Variants in CDH4 observed in about 807,000 individuals in gnomAD.
CDH4 encodes cadherin-4.
CDH4 carries 33 observed loss-of-function variants against 86.0 expected under a neutral mutation model. The observed-to-expected ratio is 0.38, with a 90% CI of 0.29 to 0.51. The LOEUF is 0.51. Ranked by LOEUF, CDH4 falls within the 20% of genes least tolerant of loss-of-function variation. CDH4 has a pLI of 0.86. For missense variants in CDH4, 1,114 were observed against 1,307.4 expected, an observed-to-expected ratio of 0.85 and a Z score of 2.28; for synonymous variants, 555 against 549.4, an observed-to-expected ratio of 1.01 and a Z score of -0.14.
intron 2 of CDH4, among the ~76,000 whole-genome samples, chr20:61,376,511 A>C (rs1424380989): frequency 6.6e-6 from 1 of 152,102 alleles, no homozygotes; most frequent in African/African-American, 2.4e-5. Context: ...ACTGAGAGGG[A>C]CATGGTGAGG....
chr20:61,374,749 C>T (rs1357754713), intron 2 of CDH4, among the ~76,000 whole-genome samples: 3 of 152,184 alleles, frequency 2.0e-5, no homozygotes, highest in Admixed American at 2.0e-4. Flanking sequence ...TCAGTTCAGG[C>T]CATGATGGGA....
At chr20:61,893,160 AGG>A (rs1984905963) in intron 7 of CDH4, among the ~76,000 whole-genome samples, 1 of 75,276 alleles carries the variant, frequency 1.3e-5, no homozygotes, top group African/African-American at 5.2e-5. Flanking sequence ...GGGTGAATAG[AGG>A]GATGGTGGTT....
intron 2 of CDH4, among the ~76,000 whole-genome samples, chr20:61,354,647 G>A (rs2084736277): frequency 6.6e-6 from 1 of 152,240 alleles, no homozygotes; most frequent in African/African-American, 2.4e-5. Context: ...TTCCCTGTAT[G>A]GCCTGGCAGT....
chr20:61,735,513 G>T (rs547143035), intron 2 of CDH4, among the ~76,000 whole-genome samples: 1 of 152,208 alleles, frequency 6.6e-6, no homozygotes, highest in South Asian at 2.1e-4. Context: ...AGACCCCCAA[G>T]GGGTTCCCCA....
intron 2 of CDH4, among the ~76,000 whole-genome samples, chr20:61,298,350 C>T (rs2084367996): frequency 6.7e-6 from 1 of 149,658 alleles, no homozygotes; most frequent in East Asian, 2.0e-4. Context: ...ATCCACTCTC[C>T]TAGACAATCA....
intron 3 of CDH4, among the ~76,000 whole-genome samples, chr20:61,765,706 C>G (rs953879018): frequency 6.6e-6 from 1 of 152,076 alleles, no homozygotes; most frequent in South Asian, 2.1e-4. Context: ...ACAGCAAGAC[C>G]GGGGCCAGGA....
At chr20:61,354,773 G>A (rs1242974356) in intron 2 of CDH4, among the ~76,000 whole-genome samples, 1 of 152,194 alleles carries the variant, frequency 6.6e-6, no homozygotes, top group African/African-American at 2.4e-5. Context: ...GGGATGACCA[G>A]CCCAGTTTTG....
chr20:61,726,443 C>A (rs2088112197), intron 2 of CDH4, among the ~76,000 whole-genome samples: 1 of 152,058 alleles, frequency 6.6e-6, no homozygotes, highest in Non-Finnish European at 1.5e-5. Context: ...TCAGTGTGTC[C>A]ATATGTAAAA....
Position 61,448,648 on chromosome 20 carries a change from C to T in CDH4, c.169+193711C>T, listed in dbSNP as rs1211459202. On this transcript the variant is annotated intron_variant, in intron 2 of 15. Transcript: ENST00000614565. The stretch of plus-strand genomic sequence containing the variant: ...GGAGTTTTTTGTATTGCATTATCAC[C>T]ATTCTGGTGGTAGAAAATGACTTAA... Among the ~76,000 whole-genome samples, 6 of 152,158 alleles carry T rather than the reference C, an allele frequency of 3.9e-5. 1 individual carries two copies. The highest frequency in any genetic ancestry group is 3.9e-4 in the Admixed American group (6 of 15,274).
At chr20:61,922,593 A>G (rs1195656410) in intron 9 of CDH4, among the ~76,000 whole-genome samples, 1 of 152,208 alleles carries the variant, frequency 6.6e-6, no homozygotes, top group African/African-American at 2.4e-5. Flanking sequence ...GAGACATAAA[A>G]TCAAGGTGCC....
intron 2 of CDH4, among the ~76,000 whole-genome samples, chr20:61,690,303 C>T (rs1429668941): frequency 6.6e-6 from 1 of 152,072 alleles, no homozygotes; most frequent in Non-Finnish European, 1.5e-5. Context: ...GACTGAGACC[C>T]GTGTGTATTG....
intron 2 of CDH4, among the ~76,000 whole-genome samples, chr20:61,637,323 CAG>C (rs577664707): frequency 1.1e-3 from 162 of 152,268 alleles, no homozygotes; most frequent in African/African-American, 3.6e-3. Flanking sequence ...CTCCCACGAC[CAG>C]AGAGACCTCC....
chr20:61,341,768 A>G (rs2084650502), intron 2 of CDH4, among the ~76,000 whole-genome samples: 1 of 152,108 alleles, frequency 6.6e-6, no homozygotes, highest in South Asian at 2.1e-4. Context: ...CATTTTTATG[A>G]CCATTTTCAG....
chr20:61,567,450 GGA>G (rs1159470214), intron 2 of CDH4, among the ~76,000 whole-genome samples: 1 of 152,196 alleles, frequency 6.6e-6, no homozygotes, highest in Non-Finnish European at 1.5e-5. Context: ...CATGGCAAGG[GGA>G]GAGGGATCTC....
intron 2 of CDH4, among the ~76,000 whole-genome samples, chr20:61,522,446 G>A (rs1043884139): frequency 2.6e-5 from 4 of 152,186 alleles, no homozygotes; most frequent in Admixed American, 6.5e-5. Context: ...ACCAAATGTC[G>A]CATCCATTAA....
chr20:61,645,548 C>T (rs1449288132), intron 2 of CDH4, among the ~76,000 whole-genome samples: 3 of 151,718 alleles, frequency 2.0e-5, no homozygotes, highest in Admixed American at 2.0e-4. Context: ...AGGAGGATAG[C>T]TTGAACCCAA....
At chr20:61,529,989 C>T (rs1600732662) in intron 2 of CDH4, among the ~76,000 whole-genome samples, 1 of 152,096 alleles carries the variant, frequency 6.6e-6, no homozygotes, top group African/African-American at 2.4e-5. Context: ...AGGTGCCTGC[C>T]ACCATGCTTG....
At chr20:61,491,839 C>T (rs1251547574) in intron 2 of CDH4, among the ~76,000 whole-genome samples, 1 of 150,488 alleles carries the variant, frequency 6.6e-6, no homozygotes, top group Non-Finnish European at 1.5e-5. Flanking sequence ...GGTGCTGATG[C>T]TGGTAGTGTT....
chr20:61,419,901 G>T (rs1303029152), intron 2 of CDH4, among the ~76,000 whole-genome samples: 1 of 152,166 alleles, frequency 6.6e-6, no homozygotes, highest in Non-Finnish European at 1.5e-5. Flanking sequence ...ACAAACATTG[G>T]CATCATTCAG....
Sources: gnomAD v4.1 joint callset for allele counts (sites outside exome capture counted in the v4.1 genomes callset) on GRCh38, gnomAD v4.1.1 for gene constraint, MANE v1.5 for transcripts, NCBI Gene and HGNC (gene_info 2026-07-23, HGNC 2026-07-21) for gene names.